The following MACF1 variants were observed in gnomAD, a reference collection of about 807,000 sequenced individuals.
The protein encoded by MACF1 is microtubule actin crosslinking factor 1, also known as microtubule-actin cross-linking factor 1.
Under a neutral mutation model 854.8 loss-of-function variants are expected in MACF1, and 193 were observed. The ratio of observed to expected loss-of-function variants is 0.23; its 90% CI spans 0.20 to 0.25. The LOEUF (loss-of-function observed/expected upper bound fraction) is 0.25. Among genes scored for constraint, MACF1 ranks in the 10% least tolerant of loss-of-function variants. The probability of loss-of-function intolerance (pLI) is 1.00; values close to 1 mark genes in which losing one functional copy is unlikely to be tolerated. For missense variants in MACF1, 7,722 were observed against 8,929.1 expected, an observed-to-expected ratio of 0.86 and a Z score of 5.45; for synonymous variants, 3,185 against 3,226.7, an observed-to-expected ratio of 0.99 and a Z score of 0.44.
chr1:39,324,796 A>T, intron 35 of MACF1, 62 bp downstream of exon 35: 1 of 1,262,052 alleles, frequency 7.9e-7, no homozygotes, highest in Non-Finnish European at 1.2e-6. Flanking sequence ...TCTAAAACTT[A>T]CAGCCATAAT....
chr1:39,408,581 C>G (rs1210912663), intron 58 of MACF1, among the ~76,000 whole-genome samples: 1 of 151,430 alleles, frequency 6.6e-6, no homozygotes, highest in Non-Finnish European at 1.5e-5. Context: ...CGCGGGCGCC[C>G]TTTCTGGATT....
chr1:39,285,907 GGAAT>G, intron 14 of MACF1, 149 bp downstream of exon 14: 1 of 815,152 alleles, frequency 1.2e-6, no homozygotes, highest in Non-Finnish European at 1.9e-6. Flanking sequence ...CTCTTGGGCA[GGAAT>G]GTTTTGTCAG....
intron 2 of MACF1, among the ~76,000 whole-genome samples, chr1:39,164,297 C>T (rs920394571): frequency 2.0e-5 from 3 of 152,130 alleles, no homozygotes; most frequent in Non-Finnish European, 4.4e-5. Flanking sequence ...TGGATGTTGG[C>T]TTTTAATTTT....
Position 39,379,163 on chromosome 1 carries a change from A to C in MACF1, c.13277-40A>C, listed in dbSNP as rs201289079. The C allele has an allele frequency of 2.4e-4, 364 of 1,529,962 alleles. 1 individual carries two copies. The African/African-American group carries it at 4.6e-3, about 20-fold the overall frequency. The allele number at this position is 1,529,962 out of a possible 1,614,324, so 94.8% of individuals were successfully genotyped here. A position where few individuals can be genotyped will look rare whatever the true frequency, so the allele number is the denominator to read the frequency against. ...GTGAGGAGTCAAGGAGCATACTCGA[A>C]GAGCTGTCTCCAATCTGATTTCTGT... On this transcript the variant is annotated intron_variant, in intron 53 of 100. Transcript: ENST00000564288.
chr1:39,295,261 C>A, intron 19 of MACF1, 111 bp downstream of exon 19: 2 of 864,598 alleles, frequency 2.3e-6, no homozygotes, highest in Non-Finnish European at 3.7e-6. Flanking sequence ...TGTCAGGGAA[C>A]ATTTGTCTTG....
chr1:39,381,367 T>C (rs957871513), intron 55 of MACF1, among the ~76,000 whole-genome samples: 2 of 142,154 alleles, frequency 1.4e-5, no homozygotes, highest in African/African-American at 2.6e-5. Context: ...TTTTTTTTTT[T>C]TTTTTTTTTT....
At chr1:39,452,399 T>C in intron 86 of MACF1, 49 bp downstream of exon 86, 1 of 1,536,656 alleles carries the variant, frequency 6.5e-7, no homozygotes, top group South Asian at 1.2e-5. Context: ...TGAGTGGGTT[T>C]ATTTGGTTTT....
intron 1 of MACF1, among the ~76,000 whole-genome samples, chr1:39,214,887 C>T (rs1424566917): frequency 6.6e-6 from 1 of 152,216 alleles, no homozygotes; most frequent in African/African-American, 2.4e-5. Flanking sequence ...AATGGATGCA[C>T]TGTTCCTGAC....
chr1:39,245,433 G>T (rs998559341), intron 2 of MACF1, among the ~76,000 whole-genome samples: 1 of 152,028 alleles, frequency 6.6e-6, no homozygotes, highest in African/African-American at 2.4e-5. Flanking sequence ...GGCATGTGCC[G>T]CCATGCACAA....
intron 2 of MACF1, among the ~76,000 whole-genome samples, chr1:39,124,865 C>A (rs577597199): frequency 6.6e-6 from 1 of 152,226 alleles, no homozygotes; most frequent in African/African-American, 2.4e-5. Context: ...TGCCTGAGAT[C>A]ACATAGCCAG....
intron 36 of MACF1, among the ~76,000 whole-genome samples, chr1:39,330,405 T>C (rs1186390717): frequency 6.6e-6 from 1 of 152,238 alleles, no homozygotes; most frequent in East Asian, 1.9e-4. Flanking sequence ...TCTTATTCTA[T>C]GGACCAGTCC....
rs1649350809 is a variant in MACF1, at chr1:39,372,677, A to G, written c.13213+81A>G. 3 of 922,630 alleles carry G rather than the reference A, an allele frequency of 3.3e-6. No individual in the cohort carries two copies. The Admixed American group carries it at 5.9e-5, about 18-fold the overall frequency. 57.2% of individuals were successfully genotyped at this position (922,630 alleles called of 1,614,324 possible). Reference sequence around the variant, plus strand: ...TTTGGAGATGCCTCCTTATATAATTAAAGTGAAAATCAAGGTTGGATATGA... The same window carrying G: ...TTTGGAGATGCCTCCTTATATAATTGAAGTGAAAATCAAGGTTGGATATGA... On this transcript the variant is annotated intron_variant, in intron 52 of 100. Coordinates refer to ENST00000564288, the MANE Select transcript of MACF1 (RefSeq NM_001394062.1).
chr1:39,351,972 C>G (rs1295666107), intron 43 of MACF1, among the ~76,000 whole-genome samples: 1 of 152,102 alleles, frequency 6.6e-6, no homozygotes, highest in African/African-American at 2.4e-5. Context: ...GAGCCAAAAG[C>G]TGTCCCCGAG....
intron 58 of MACF1, among the ~76,000 whole-genome samples, chr1:39,399,691 G>C (rs1642405182): frequency 6.6e-6 from 1 of 151,982 alleles, no homozygotes; most frequent in Non-Finnish European, 1.5e-5. Context: ...AAAGGCTTTT[G>C]ATCTCCCCAG....
chr1:39,407,477 A>G (rs944421138), intron 58 of MACF1, among the ~76,000 whole-genome samples: 1 of 152,252 alleles, frequency 6.6e-6, no homozygotes, highest in Admixed American at 6.5e-5. Context: ...AAAACTAGAA[A>G]GGGTGTCAAG....
chr1:39,479,189 G>C (rs544075281), intron 97 of MACF1, among the ~76,000 whole-genome samples: 1 of 152,086 alleles, frequency 6.6e-6, no homozygotes, highest in South Asian at 2.1e-4. Flanking sequence ...TCACTTAACA[G>C]TTTCTCACTA....
At chr1:39,447,658 C>T in intron 81 of MACF1, 34 bp from the exon 82 acceptor site, 1 of 1,612,648 alleles carries the variant, frequency 6.2e-7, no homozygotes, top group South Asian at 1.1e-5. Context: ...TTTATCTTAT[C>T]TTAAGCTAAA....
At chr1:39,217,296 A>G (rs1047790006) in intron 1 of MACF1, among the ~76,000 whole-genome samples, 3 of 137,408 alleles carry the variant, frequency 2.2e-5, no homozygotes, top group Non-Finnish European at 4.8e-5. Context: ...TATTTTAGAG[A>G]CGGAGTCTTA....
chr1:39,385,660 T>G lies in MACF1; in HGVS notation c.14075T>G (p.Leu4692Arg), dbSNP rs1189783551. The G allele has an allele frequency of 1.2e-6, 2 of 1,613,994 alleles. No homozygotes were observed. The highest frequency in any genetic ancestry group is 1.7e-6 in the Non-Finnish European group (2 of 1,180,036). ...IVKSTQYQEL[L>R]QDLSEKVRAV... ...AAGAGCACCCAGTACCAGGAACTGCTCCAGGACTTATCAGAGAAGGTGAGG... is the reference window on the plus strand; with the variant it reads ...AAGAGCACCCAGTACCAGGAACTGCGCCAGGACTTATCAGAGAAGGTGAGG... The change falls in exon 57 of 101, where the codon CTC (leucine) becomes CGC (arginine). Residue 4692 changes from leucine (L) to arginine (R), a missense_variant. Leu to Arg is a moderately radical substitution (Grantham distance 102, BLOSUM62 -2). Transcript: ENST00000564288.
Sources: allele counts gnomAD v4.1 joint callset (sites outside exome capture counted in the v4.1 genomes callset), GRCh38; gene constraint gnomAD v4.1.1; transcripts MANE v1.5; gene names NCBI Gene and HGNC (gene_info 2026-07-23, HGNC 2026-07-21).